TMEM272: variants seen among roughly 807,000 people sequenced by gnomAD.
The protein encoded by TMEM272 is long intergenic non-protein coding RNA 282.
A neutral mutation model predicts 3.7 loss-of-function variants in TMEM272; 8 were observed. That is an observed-to-expected ratio of 2.17 (90% CI 1.27 to 3.91). The LOEUF is 3.91. TMEM272 is among the 30% of genes most tolerant of loss of function. The pLI is 0.00. For synonymous variants in TMEM272, 63 were observed against 39.8 expected (o/e 1.58, Z -2.20); for missense variants, 166 against 91.5 (o/e 1.81, Z -3.32).
At chr13:51,851,593 C>T in the TMEM272 span, among the ~76,000 whole-genome samples, 32 of 144,444 alleles carry the variant, frequency 2.2e-4, 2 homozygotes, top group Middle Eastern at 0.028. Context: ...GGCATGTCCT[C>T]GGCTCACCAC....
At chr13:51,827,591 G>A (rs1351655776) in intron 2 of TMEM272, among the ~76,000 whole-genome samples, 3 of 152,164 alleles carry the variant, frequency 2.0e-5, no homozygotes, top group Non-Finnish European at 2.9e-5. Flanking sequence ...AGTCTTGACA[G>A]CATCACACAT....
chr13:51,855,240 A>C, the TMEM272 span, among the ~76,000 whole-genome samples: 2 of 152,234 alleles, frequency 1.3e-5, no homozygotes, highest in Admixed American at 1.3e-4. Context: ...AGAAAGGGTC[A>C]ACTAAAGAAG....
At chr13:51,888,639 C>CTTTTTTTTTTTTTTTTT in the TMEM272 span, among the ~76,000 whole-genome samples, 78 of 76,702 alleles carry the variant, frequency 1.0e-3, no homozygotes, top group Middle Eastern at 9.4e-3. Context: ...TTTTCTTTTT[C>CTTTTTTTTTTTTTTTTT]TTTTTTTTTT....
the TMEM272 span, among the ~76,000 whole-genome samples, chr13:51,887,271 T>C: frequency 6.6e-6 from 1 of 152,182 alleles, no homozygotes; most frequent in Non-Finnish European, 1.5e-5. Flanking sequence ...AGTCACTCTA[T>C]AAACATCATT....
the TMEM272 span, among the ~76,000 whole-genome samples, chr13:51,885,574 G>A: frequency 6.6e-6 from 1 of 152,210 alleles, no homozygotes; most frequent in Non-Finnish European, 1.5e-5. Context: ...TATAATTCAA[G>A]ATGAGATTTG....
the TMEM272 span, among the ~76,000 whole-genome samples, chr13:51,911,953 G>A: frequency 2.1e-4 from 32 of 152,068 alleles, 1 homozygote; most frequent in South Asian, 5.6e-3. Context: ...GGGCTTTCCC[G>A]CTTCTTTCCT....
chr13:51,869,890 ACTT>A, the TMEM272 span, among the ~76,000 whole-genome samples: 1 of 152,348 alleles, frequency 6.6e-6, no homozygotes, highest in African/African-American at 2.4e-5. Flanking sequence ...AGGGATGAAT[ACTT>A]CTCCTTTTTC....
chr13:51,813,356 A>G lies in TMEM272; in HGVS notation c.*3395T>C, dbSNP rs1427069786. 5.0e-6 allele frequency: 2 copies of G among 398,480 alleles called. No individual in the cohort carries two copies. The highest frequency in any genetic ancestry group is 4.4e-6 in the Non-Finnish European group (1 of 226,050). The allele number at this position is 398,480 out of a possible 1,614,324, so 24.7% of individuals were successfully genotyped here. A position where few individuals can be genotyped will look rare whatever the true frequency, so the allele number is the denominator to read the frequency against. ...AGGAAGACACTGGGGAACAAATTGAACAAAGTTTATTTCATCAACAATGAA... is the reference window on the plus strand; with the variant it reads ...AGGAAGACACTGGGGAACAAATTGAGCAAAGTTTATTTCATCAACAATGAA... On this transcript the variant is annotated 3_prime_UTR_variant, in exon 5 of 5. Coordinates refer to ENST00000629372, the MANE Select transcript of TMEM272 (RefSeq NM_001351003.2).
At chr13:51,858,601 A>G in the TMEM272 span, among the ~76,000 whole-genome samples, 5 of 152,210 alleles carry the variant, frequency 3.3e-5, no homozygotes, top group Admixed American at 2.6e-4. Context: ...AGGTAAGTGT[A>G]CTTAGATGAA....
chr13:51,858,292 A>T, the TMEM272 span, among the ~76,000 whole-genome samples: 8 of 152,232 alleles, frequency 5.3e-5, no homozygotes. Flanking sequence ...AATACCAATT[A>T]TTTTCAAGTG....
the TMEM272 span, among the ~76,000 whole-genome samples, chr13:51,930,229 G>A: frequency 6.6e-6 from 1 of 151,894 alleles, no homozygotes; most frequent in African/African-American, 2.4e-5. Flanking sequence ...ATTTCAAAGG[G>A]CAAAAATGTT....
chr13:51,826,185 C>G (rs1024759609), intron 3 of TMEM272, among the ~76,000 whole-genome samples: 1 of 149,830 alleles, frequency 6.7e-6, no homozygotes, highest in African/African-American at 2.5e-5. Context: ...CATCACCTAA[C>G]GCCAGGTGCA....
intron 1 of TMEM272, among the ~76,000 whole-genome samples, chr13:51,844,245 C>T (rs1343757484): frequency 6.6e-6 from 1 of 150,974 alleles, no homozygotes; most frequent in Non-Finnish European, 1.5e-5. Flanking sequence ...GACACACACA[C>T]ATATATATAT....
upstream of TMEM272, among the ~76,000 whole-genome samples, chr13:51,849,301 T>C (rs576675743): frequency 3.3e-5 from 5 of 152,170 alleles, no homozygotes; most frequent in African/African-American, 9.6e-5. Flanking sequence ...AGAATAGTCA[T>C]AGACATGGAA....
the TMEM272 span, among the ~76,000 whole-genome samples, chr13:51,871,785 T>TAC: frequency 0.013 from 1,694 of 129,606 alleles, 22 homozygotes; most frequent in African/African-American, 0.021. Context: ...AATCTCCCCC[T>TAC]ACACACACAC....
the TMEM272 span, among the ~76,000 whole-genome samples, chr13:51,869,110 A>G: frequency 6.5e-4 from 99 of 152,348 alleles, no homozygotes; most frequent in Non-Finnish European, 1.3e-3. Flanking sequence ...GCAAGAGTTT[A>G]GATAGAGAAG....
chr13:51,894,492 C>A, the TMEM272 span, among the ~76,000 whole-genome samples: 1 of 152,182 alleles, frequency 6.6e-6, no homozygotes, highest in African/African-American at 2.4e-5. Flanking sequence ...CCAATCACTG[C>A]AGCTGGGGAT....
At chr13:51,892,058 C>T in the TMEM272 span, among the ~76,000 whole-genome samples, 1 of 152,100 alleles carries the variant, frequency 6.6e-6, no homozygotes, top group Admixed American at 6.5e-5. Flanking sequence ...CATTTTCATA[C>T]CCAGATGTGG....
At position 51,825,879 on chromosome 13, in the gene TMEM272, G is replaced by C. The variant is rs77839759; in HGVS notation, c.118+687C>G. Among the ~76,000 whole-genome samples the C allele has an allele frequency of 1.0e-3, 156 of 152,142 alleles. 2 individuals are homozygous for C. In the East Asian group the frequency reaches 0.025, roughly 25 times the overall value. On this transcript the variant is annotated intron_variant, in intron 3 of 4. Transcript: ENST00000629372. ...CCGCCTCAGCCCCACTAACTGCTGG[G>C]ATTACAGGCGTGAGCCACCATGCCC...
Sources: allele counts gnomAD v4.1 joint callset (sites outside exome capture counted in the v4.1 genomes callset), GRCh38; gene constraint gnomAD v4.1.1; transcripts MANE v1.5; gene names NCBI Gene and HGNC (gene_info 2026-07-23, HGNC 2026-07-21).